Variants in DPAGT1 observed in about 807,000 individuals in gnomAD.
DPAGT1 encodes dolichyl-phosphate N-acetylglucosaminephosphotransferase 1.
DPAGT1 carries 25 observed loss-of-function variants against 39.3 expected under a neutral mutation model. The ratio of observed to expected loss-of-function variants is 0.64; its 90% CI spans 0.46 to 0.89. The LOEUF (loss-of-function observed/expected upper bound fraction) is 0.89. Ranked by LOEUF, DPAGT1 falls within the 40% of genes least tolerant of loss-of-function variation. The pLI, the probability that DPAGT1 is intolerant of heterozygous loss-of-function variation, is 0.00. For missense variants in DPAGT1, 381 were observed against 500.6 expected (o/e 0.76, Z 2.28); for synonymous variants, 193 against 201.4 (o/e 0.96, Z 0.36).
At position 119,100,621 on chromosome 11, in the gene DPAGT1, A is replaced by C; in HGVS notation, c.496+9T>G. On this transcript the variant is annotated intron_variant, in intron 3 of 8. Coordinates refer to ENST00000354202, the MANE Select transcript of DPAGT1 (RefSeq NM_001382.4). ...GTGCCATAGGGGCAGCAGTGGTAGG[A>C]CTACCTACCCAAGTCCAGATGCAGG... 6.2e-7 allele frequency: 1 copy of C among 1,613,844 alleles called. No homozygotes were observed. Among genetic ancestry groups the C allele is most frequent in the South Asian group, 1.1e-5 (1 of 91,062 alleles).
chr11:119,097,332 A>C lies in DPAGT1; in HGVS notation c.1006-35T>G, dbSNP rs748295799. ...CCAGAGGTGAAGAGAACCTCAGCTA[A>C]TACCTATGCTTTAGGAATGTGGATC... On this transcript the variant is annotated intron_variant, in intron 7 of 8. Transcript: ENST00000354202. This position sits in a 1 kb window ranked among gnomAD's most constrained non-coding sequence, Gnocchi z 4.6. 8 of 1,614,004 alleles carry C rather than the reference A, an allele frequency of 5.0e-6. No homozygotes were observed. The South Asian group carries it at 7.7e-5, about 16-fold the overall frequency.
chr11:119,094,923 G>C (rs774730815), downstream of DPAGT1: 1 of 1,559,656 alleles, frequency 6.4e-7, no homozygotes, highest in Non-Finnish European at 8.6e-7. Context: ...CTTTGTGGTG[G>C]CATGGGGAGG....
rs1946410794 is a variant in DPAGT1, at chr11:119,097,135, T to C, written c.1161+7A>G. 6.2e-7 allele frequency: 1 copy of C among 1,614,036 alleles called. No homozygotes were observed. The highest frequency in any genetic ancestry group is 1.3e-5 in the African/African-American group (1 of 74,910). On this transcript the variant is annotated splice_region_variant and intron_variant, in intron 8 of 8. Transcript: ENST00000354202. This position sits in a 1 kb window ranked among gnomAD's most constrained non-coding sequence, Gnocchi z 4.6. ...CACGGAGGTATAAACTCGATTCCCATCCTCACCTGCAGCAGCAGCAGGAGC... is the reference window on the plus strand; with the variant it reads ...CACGGAGGTATAAACTCGATTCCCACCCTCACCTGCAGCAGCAGCAGGAGC...
At chr11:119,099,311 C>A (rs1327856256) in intron 4 of DPAGT1, among the ~76,000 whole-genome samples, 1 of 151,218 alleles carries the variant, frequency 6.6e-6, no homozygotes, top group South Asian at 2.1e-4. Context: ...GTAATCCCAG[C>A]TACTAGGGAG....
chr11:119,096,829 G>T lies in DPAGT1; in HGVS notation c.*169C>A. 1.2e-6 allele frequency: 1 copy of T among 812,658 alleles called. No homozygotes were observed. Among genetic ancestry groups the T allele is most frequent in the Non-Finnish European group, 2.0e-6 (1 of 494,516 alleles). The allele number at this position is 812,658 out of a possible 1,614,324, so 50.3% of individuals were successfully genotyped here. On this transcript the variant is annotated 3_prime_UTR_variant, in exon 9 of 9. Coordinates refer to ENST00000354202, the MANE Select transcript of DPAGT1 (RefSeq NM_001382.4). ...CAGTAGTCAGCAGAGGGCAAGAAACGCCCAGGATGCCAATGATCACAGAGA... is the reference window on the plus strand; with the variant it reads ...CAGTAGTCAGCAGAGGGCAAGAAACTCCCAGGATGCCAATGATCACAGAGA...
chr11:119,099,781 A>G (rs1033235097), intron 4 of DPAGT1, among the ~76,000 whole-genome samples: 1 of 52,872 alleles, frequency 1.9e-5, no homozygotes, highest in African/African-American at 4.9e-5. Context: ...ACCCTGTCTC[A>G]AAAAAAAAAA....
Position 119,100,819 on chromosome 11 carries a change from G to A in DPAGT1, c.307C>T (p.Leu103Phe). The A allele has an allele frequency of 6.2e-7, 1 of 1,614,218 alleles. No individual in the cohort carries two copies. The highest frequency in any genetic ancestry group is 8.5e-7 in the Non-Finnish European group (1 of 1,180,038). Residue 103 changes from leucine (L) to phenylalanine (F), a missense_variant, in exon 3 of 9, where the codon CTT (leucine) becomes TTT (phenylalanine). By Grantham distance (22) the Leu-to-Phe change is conservative. Coordinates refer to ENST00000354202, the MANE Select transcript of DPAGT1 (RefSeq NM_001382.4). ...AGGAAGATCATGCAGCAGATGGCAA[G>A]GAGGGCACCTATCAGGGCCACAAAC... ...HEFVALIGAL[L>F]AICCMIFLGF...
chr11:119,101,811 C>T lies in DPAGT1; in HGVS notation c.-156G>A. On this transcript the variant is annotated 5_prime_UTR_variant, in exon 1 of 9. Transcript: ENST00000354202. ...AACCCAGCAACTCTGACTTGAGCCG[C>T]CGTCGGGACACCGGGGAACCTCTCT... is the stretch of plus-strand genomic sequence containing the variant. 1 of 1,514,576 alleles carries T rather than the reference C, an allele frequency of 6.6e-7. No individual in the cohort carries two copies. The highest frequency in any genetic ancestry group is 2.5e-5 in the East Asian group (1 of 40,562). The allele number at this position is 1,514,576 out of a possible 1,614,324, so 93.8% of individuals were successfully genotyped here.
rs1234809605 is a variant in DPAGT1, at chr11:119,101,023, G to C, written c.277C>G (p.His93Asp). ...ACCCCCACGAACCCACTTACTTCAT[G>C]GTGGGGGAATGCCTTACACTGCTCC... is the stretch of plus-strand genomic sequence containing the variant. ...VKEQCKAFPH[H>D]EFVALIGALL... is the part of the protein sequence containing the mutation. Residue 93 changes from histidine to aspartate, a missense_variant, in exon 2 of 9, where the codon CAT becomes GAT. Coordinates refer to ENST00000354202, the MANE Select transcript of DPAGT1 (RefSeq NM_001382.4). 4 of 1,614,090 alleles carry C rather than the reference G, an allele frequency of 2.5e-6. No individual in the cohort carries two copies. The African/African-American group carries it at 4.0e-5, about 16-fold the overall frequency.
At position 119,097,653 on chromosome 11, in the gene DPAGT1, T is replaced by C. The variant is rs1407991251; in HGVS notation, c.918-102A>G. On this transcript the variant is annotated intron_variant, in intron 6 of 8. Transcript: ENST00000354202. This position sits in a 1 kb window ranked among gnomAD's most constrained non-coding sequence, Gnocchi z 4.6. ...GAATGTGGAGTCAACCTGAGATCTA[T>C]TTCTGGCTCTGCTGCTTACTGTTAT... The C allele has an allele frequency of 1.4e-6, 2 of 1,469,464 alleles. No homozygotes were observed. Among genetic ancestry groups the C allele is most frequent in the East Asian group, 2.3e-5 (1 of 44,180 alleles). The allele number at this position is 1,469,464 out of a possible 1,614,324, so 91.0% of individuals were successfully genotyped here.
At chr11:119,098,596 C>G in intron 4 of DPAGT1, 109 bp from the exon 5 acceptor site, 1 of 1,102,968 alleles carries the variant, frequency 9.1e-7, no homozygotes, top group Non-Finnish European at 1.4e-6. Context: ...CCACCTCACC[C>G]AAGTCACTTT....
intron 2 of DPAGT1, 52 bp from the exon 3 acceptor site, chr11:119,100,895 T>G: frequency 6.2e-7 from 1 of 1,613,796 alleles, no homozygotes; most frequent in Non-Finnish European, 8.5e-7. Context: ...CATTCCACCT[T>G]TTAAGAATTC....
downstream of DPAGT1, chr11:119,094,162 T>C (rs1296590248): frequency 6.5e-6 from 1 of 152,716 alleles, no homozygotes; most frequent in African/African-American, 2.4e-5. Context: ...GAAGCCAAAC[T>C]GCAGGCCTCT....
intron 4 of DPAGT1, 87 bp downstream of exon 4, chr11:119,100,174 CT>C: frequency 1.9e-6 from 3 of 1,593,994 alleles, no homozygotes; most frequent in Non-Finnish European, 2.6e-6. Flanking sequence ...ATGCATATTG[CT>C]TTTTTCCCCT....
downstream of DPAGT1, among the ~76,000 whole-genome samples, chr11:119,095,654 C>A (rs985089257): frequency 1.3e-5 from 2 of 152,100 alleles, no homozygotes; most frequent in African/African-American, 2.4e-5. Context: ...GGAGAAAAGG[C>A]GAGGAGGAGG....
chr11:119,097,841 C>T lies in DPAGT1; in HGVS notation c.917+14G>A. 2 of 1,613,904 alleles carry T rather than the reference C, an allele frequency of 1.2e-6. No homozygotes were observed. Among genetic ancestry groups the T allele is most frequent in the Non-Finnish European group, 1.7e-6 (2 of 1,179,898 alleles). ...AAAGGCTATGATGTCCATTTCAAGC[C>T]AAAAAGCGGCTACCTGGGTATGCGG... On this transcript the variant is annotated intron_variant, in intron 6 of 8. Coordinates refer to ENST00000354202, the MANE Select transcript of DPAGT1 (RefSeq NM_001382.4). This position sits in a 1 kb window ranked among gnomAD's most constrained non-coding sequence, Gnocchi z 4.6.
At chr11:119,101,368 G>A (rs1185007446) in intron 1 of DPAGT1, 127 bp downstream of exon 1, 13 of 1,563,788 alleles carry the variant, frequency 8.3e-6, no homozygotes, top group Non-Finnish European at 1.0e-5. Context: ...TCACCTCTCC[G>A]AGTTCCAGGC....
chr11:119,097,162 A>G lies in DPAGT1; in HGVS notation c.1141T>C (p.Leu381=), dbSNP rs768805817. 6 of 1,614,038 alleles carry G rather than the reference A, an allele frequency of 3.7e-6. No homozygotes were observed. Among genetic ancestry groups the G allele is most frequent in the East Asian group, 4.5e-5 (2 of 44,894 alleles). ...LGPIHERNLT[L]LLLLLQILGS... ...CTCACCTGCAGCAGCAGCAGGAGCA[A>G]TGTGAGGTTTCTCTCATGTATGGGC... The change falls in exon 8 of 9, where the codon TTG becomes CTG. Residue 381 remains leucine, a synonymous_variant. Transcript: ENST00000354202. The surrounding 1 kb of genome is among the most constrained non-coding windows in gnomAD (Gnocchi z 4.6).
downstream of DPAGT1, chr11:119,095,521 C>T (rs111497932): frequency 9.5e-5 from 99 of 1,042,484 alleles, no homozygotes; most frequent in African/African-American, 1.5e-3. Flanking sequence ...ACCTCTGCGC[C>T]CTCCTGATTG....
Sources: allele counts gnomAD v4.1 joint callset (sites outside exome capture counted in the v4.1 genomes callset), GRCh38; gene constraint gnomAD v4.1.1; non-coding constraint Gnocchi (gnomAD v3.1); transcripts MANE v1.5; gene names NCBI Gene and HGNC (gene_info 2026-07-23, HGNC 2026-07-21).